Variants in WWOX observed in about 807,000 individuals in gnomAD.
WWOX encodes WW domain containing oxidoreductase.
WWOX carries 69 observed loss-of-function variants against 46.2 expected under a neutral mutation model. That is an observed-to-expected ratio of 1.49 (90% CI 1.23 to 1.82). The LOEUF (loss-of-function observed/expected upper bound fraction) is 1.82. Among genes scored for constraint, WWOX ranks in the 40% most tolerant of loss-of-function variants. The probability of loss-of-function intolerance (pLI) is 0.00; values close to 1 mark genes in which losing one functional copy is unlikely to be tolerated. For missense variants in WWOX, 919 were observed against 542.6 expected (o/e 1.69, Z -6.89); for synonymous variants, 359 against 202.6 (o/e 1.77, Z -6.56).
chr16:78,195,575 A>C (rs1322941353), intron 5 of WWOX, among the ~76,000 whole-genome samples: 2 of 152,040 alleles, frequency 1.3e-5, no homozygotes, highest in South Asian at 4.2e-4. Context: ...TAATCTCAGC[A>C]CTTTGGGAGG....
intron 8 of WWOX, among the ~76,000 whole-genome samples, chr16:78,917,082 G>A (rs2045269133): frequency 6.6e-6 from 1 of 152,288 alleles, no homozygotes; most frequent in Non-Finnish European, 1.5e-5. Context: ...ATTCAATATA[G>A]TAGGAGAAGA....
chr16:78,716,010 C>T (rs180943489), intron 8 of WWOX, among the ~76,000 whole-genome samples: 34 of 151,740 alleles, frequency 2.2e-4, no homozygotes, highest in Non-Finnish European at 3.7e-4. Flanking sequence ...TATGGTGGTC[C>T]CAGGGATGAT....
intron 5 of WWOX, among the ~76,000 whole-genome samples, chr16:78,307,457 G>A (rs993465159): frequency 5.3e-5 from 8 of 152,122 alleles, no homozygotes; most frequent in African/African-American, 9.7e-5. Context: ...CTGTGACTAC[G>A]AAAGAGGAGG....
intron 8 of WWOX, among the ~76,000 whole-genome samples, chr16:79,164,259 A>G (rs989223374): frequency 7.2e-5 from 11 of 152,172 alleles, no homozygotes; most frequent in African/African-American, 2.7e-4. Flanking sequence ...CTACCACGCC[A>G]CTTAGCTCAG....
In WWOX at chr16:79,195,998, A is replaced by T. The variant is rs12444917; in HGVS notation, c.1057-15610A>T. On this transcript the variant is annotated intron_variant, in intron 8 of 8. Transcript: ENST00000566780. The stretch of plus-strand genomic sequence containing the variant: ...AAATATTCTTCTGTTAGTGGGGACA[A>T]TAATACTACTAATTTCTAGTACTGA... 2.9e-3 allele frequency among the ~76,000 whole-genome samples: 446 copies of T among 152,342 alleles called. 4 individuals are homozygous for T. Among genetic ancestry groups the T allele is most frequent in the Admixed American group, 0.023 (347 of 15,302 alleles).
intron 8 of WWOX, among the ~76,000 whole-genome samples, chr16:78,570,483 T>A (rs956411163): frequency 5.3e-5 from 8 of 152,134 alleles, no homozygotes; most frequent in Admixed American, 2.0e-4. Flanking sequence ...TAATTTTTTT[T>A]AATTTTTCTT....
At chr16:78,583,611 G>A (rs890869186) in intron 8 of WWOX, among the ~76,000 whole-genome samples, 1 of 152,132 alleles carries the variant, frequency 6.6e-6, no homozygotes, top group African/African-American at 2.4e-5. Flanking sequence ...TCCCAAGCTG[G>A]GATTGACCCA....
chr16:78,214,701 C>T (rs1487292446), intron 5 of WWOX, among the ~76,000 whole-genome samples: 2 of 152,160 alleles, frequency 1.3e-5, no homozygotes, highest in Non-Finnish European at 2.9e-5. Context: ...CCTTAATGCC[C>T]AGCAACGCTC....
chr16:78,517,497 G>A (rs529964797), intron 8 of WWOX, among the ~76,000 whole-genome samples: 1 of 152,252 alleles, frequency 6.6e-6, no homozygotes, highest in African/African-American at 2.4e-5. Flanking sequence ...TATCATTATG[G>A]CATCCTAATG....
At chr16:78,420,850 A>G (rs1199068038) in intron 6 of WWOX, among the ~76,000 whole-genome samples, 1 of 152,160 alleles carries the variant, frequency 6.6e-6, no homozygotes, top group Non-Finnish European at 1.5e-5. Context: ...CAAAAACCAT[A>G]AACAGGAAAT....
intron 8 of WWOX, among the ~76,000 whole-genome samples, chr16:79,043,617 C>G (rs2048012404): frequency 6.6e-6 from 1 of 152,180 alleles, no homozygotes; most frequent in African/African-American, 2.4e-5. Flanking sequence ...TAATAACACA[C>G]AAACCCACAT....
At chr16:78,262,269 G>A (rs1219979767) in intron 5 of WWOX, among the ~76,000 whole-genome samples, 1 of 151,146 alleles carries the variant, frequency 6.6e-6, no homozygotes, top group Non-Finnish European at 1.5e-5. Flanking sequence ...TAGATACAGT[G>A]TATCTCTGTT....
intron 8 of WWOX, among the ~76,000 whole-genome samples, chr16:78,440,373 A>C (rs2083417422): frequency 2.0e-5 from 3 of 151,444 alleles, no homozygotes; most frequent in Admixed American, 1.3e-4. Context: ...CTCCTCCTCC[A>C]CTCTTAATTT....
chr16:78,416,333 C>G (rs1015999333), intron 6 of WWOX, among the ~76,000 whole-genome samples: 3 of 152,172 alleles, frequency 2.0e-5, no homozygotes, highest in South Asian at 4.1e-4. Context: ...AAAAGTAATT[C>G]TTTTCCTTTT....
intron 8 of WWOX, among the ~76,000 whole-genome samples, chr16:78,441,959 A>AGTGTGTGT (rs145693201): frequency 3.5e-4 from 49 of 139,796 alleles, no homozygotes; most frequent in African/African-American, 9.3e-4. Flanking sequence ...TATGCGCATG[A>AGTGTGTGT]GTGTGTGTGT....
At chr16:78,662,348 A>G (rs1408430419) in intron 8 of WWOX, among the ~76,000 whole-genome samples, 1 of 152,186 alleles carries the variant, frequency 6.6e-6, no homozygotes, top group Admixed American at 6.5e-5. Flanking sequence ...AGGACTGGAA[A>G]ATAAGAGAGC....
intron 8 of WWOX, among the ~76,000 whole-genome samples, chr16:78,591,506 A>G (rs1489665501): frequency 6.6e-6 from 1 of 152,146 alleles, no homozygotes; most frequent in African/African-American, 2.4e-5. Flanking sequence ...CTCACTTTAT[A>G]GTCCTCATTA....
intron 8 of WWOX, among the ~76,000 whole-genome samples, chr16:78,545,949 C>T (rs761210961): frequency 1.3e-5 from 2 of 152,156 alleles, no homozygotes; most frequent in Non-Finnish European, 2.9e-5. Context: ...GTTACCCTTT[C>T]AAAGGCTTTG....
intron 5 of WWOX, among the ~76,000 whole-genome samples, chr16:78,366,455 C>G (rs72794097): frequency 0.053 from 8,065 of 152,224 alleles, 285 homozygotes; most frequent in East Asian, 0.12. Context: ...ATGACATTCT[C>G]CTTTCTTCTC....
Sources: gnomAD v4.1 joint callset for allele counts (sites outside exome capture counted in the v4.1 genomes callset) on GRCh38, gnomAD v4.1.1 for gene constraint, MANE v1.5 for transcripts, NCBI Gene and HGNC (gene_info 2026-07-23, HGNC 2026-07-21) for gene names.